DLGAP1: variants seen among roughly 807,000 people sequenced by gnomAD.
DLGAP1 encodes the protein disks large-associated protein 1.
In DLGAP1, 11 loss-of-function variants were observed where a neutral mutation model predicts 90.8. The ratio of observed to expected loss-of-function variants is 0.12; its 90% CI spans 0.08 to 0.20. The LOEUF (loss-of-function observed/expected upper bound fraction) is 0.20. Ranked by LOEUF, DLGAP1 falls within the 10% of genes least tolerant of loss-of-function variation. The pLI is 1.00. For synonymous variants in DLGAP1, 558 were observed against 540.7 expected (o/e 1.03, Z -0.44); for missense variants, 1,050 against 1,333.8 (o/e 0.79, Z 3.31).
chr18:4,241,146 G>A (rs2078525688), intron 1 of DLGAP1, among the ~76,000 whole-genome samples: 1 of 152,078 alleles, frequency 6.6e-6, no homozygotes, highest in Non-Finnish European at 1.5e-5. Context: ...CACAAAACTT[G>A]CCTGTGACTG....
At chr18:3,622,413 T>C (rs2058130378) in intron 7 of DLGAP1, among the ~76,000 whole-genome samples, 1 of 152,186 alleles carries the variant, frequency 6.6e-6, no homozygotes, top group Non-Finnish European at 1.5e-5. Context: ...CCTAAGCTGA[T>C]TATTTCATGA....
At chr18:3,584,125 T>C (rs767814841) in intron 7 of DLGAP1, among the ~76,000 whole-genome samples, 55 of 152,348 alleles carry the variant, frequency 3.6e-4, no homozygotes, top group Non-Finnish European at 4.7e-4. Flanking sequence ...TTCTCATTTG[T>C]AAAGCATGAT....
intron 1 of DLGAP1, among the ~76,000 whole-genome samples, chr18:4,196,453 T>C (rs2077499574): frequency 6.6e-6 from 1 of 152,234 alleles, no homozygotes; most frequent in African/African-American, 2.4e-5. Flanking sequence ...GTATTATTCA[T>C]TTATAAAAAC....
chr18:3,924,190 C>A (rs1286806140), intron 3 of DLGAP1, among the ~76,000 whole-genome samples: 1 of 152,184 alleles, frequency 6.6e-6, no homozygotes, highest in Admixed American at 6.5e-5. Context: ...TTAGCTACAT[C>A]GCCATAGAAT....
At chr18:4,310,256 T>C (rs566146967) in intron 1 of DLGAP1, among the ~76,000 whole-genome samples, 18 of 152,310 alleles carry the variant, frequency 1.2e-4, no homozygotes, top group Admixed American at 9.8e-4. Context: ...TTAATTGCAT[T>C]AGATTACACA....
At chr18:3,817,996 G>A (rs2067189647) in intron 4 of DLGAP1, among the ~76,000 whole-genome samples, 1 of 152,170 alleles carries the variant, frequency 6.6e-6, no homozygotes, top group Non-Finnish European at 1.5e-5. Context: ...TCAGGCTGGT[G>A]GGATGCCCTG....
At chr18:4,433,947 A>C (rs2083344341) in intron 1 of DLGAP1, among the ~76,000 whole-genome samples, 2 of 152,076 alleles carry the variant, frequency 1.3e-5, no homozygotes, top group Non-Finnish European at 2.9e-5. Context: ...TGTGATTCAC[A>C]TCTGGTCACA....
At chr18:4,072,628 C>T (rs1055120324) in intron 2 of DLGAP1, among the ~76,000 whole-genome samples, 3 of 152,080 alleles carry the variant, frequency 2.0e-5, no homozygotes, top group African/African-American at 7.2e-5. Flanking sequence ...TGCCACTGCA[C>T]GCAGCTAATT....
intron 1 of DLGAP1, among the ~76,000 whole-genome samples, chr18:4,259,248 T>G (rs571146154): frequency 6.6e-6 from 1 of 152,122 alleles, no homozygotes. Flanking sequence ...AGAAAGGGAA[T>G]CTGAGAAAGC....
At chr18:3,953,294 T>A (rs893086444) in intron 3 of DLGAP1, among the ~76,000 whole-genome samples, 2 of 152,288 alleles carry the variant, frequency 1.3e-5, no homozygotes, top group African/African-American at 4.8e-5. Flanking sequence ...ATAGTGACCA[T>A]TGCATGCAAT....
At chr18:4,303,820 A>AG (rs1156676441) in intron 1 of DLGAP1, among the ~76,000 whole-genome samples, 1 of 152,220 alleles carries the variant, frequency 6.6e-6, no homozygotes. Context: ...TATTAGAAGA[A>AG]GGAGAAATGC....
intron 1 of DLGAP1, among the ~76,000 whole-genome samples, chr18:4,363,102 G>T (rs932584949): frequency 1.4e-4 from 21 of 152,136 alleles, no homozygotes; most frequent in Non-Finnish European, 1.9e-4. Context: ...TTTACAGGGA[G>T]ATCCAGTAAA....
chr18:4,230,855 T>C (rs1490679086), intron 1 of DLGAP1, among the ~76,000 whole-genome samples: 1 of 151,724 alleles, frequency 6.6e-6, no homozygotes, highest in Admixed American at 6.6e-5. Flanking sequence ...ACTCATTGCA[T>C]GCCTCTATCA....
chr18:3,542,639 C>T (rs997809782), intron 9 of DLGAP1, among the ~76,000 whole-genome samples: 1 of 152,162 alleles, frequency 6.6e-6, no homozygotes, highest in East Asian at 1.9e-4. Context: ...TCTTTGCATA[C>T]CCCCAAGAAT....
At chr18:4,226,098 C>A (rs568814366) in intron 1 of DLGAP1, among the ~76,000 whole-genome samples, 27 of 152,266 alleles carry the variant, frequency 1.8e-4, no homozygotes, top group African/African-American at 5.5e-4. Flanking sequence ...TGGCAGCAGA[C>A]TTTTCAGTGG....
chr18:3,589,019 T>C (rs2056079431), intron 7 of DLGAP1, among the ~76,000 whole-genome samples: 1 of 151,502 alleles, frequency 6.6e-6, no homozygotes, highest in African/African-American at 2.4e-5. Flanking sequence ...CCGTCTCTAC[T>C]AAAAATATAT....
At chr18:4,447,226 C>T (rs2083689555) in intron 1 of DLGAP1, among the ~76,000 whole-genome samples, 1 of 151,760 alleles carries the variant, frequency 6.6e-6, no homozygotes, top group African/African-American at 2.4e-5. Context: ...TCACATCAGC[C>T]TTATTTGGAA....
intron 4 of DLGAP1, among the ~76,000 whole-genome samples, chr18:3,823,469 G>T (rs1364734248): frequency 2.0e-5 from 3 of 152,108 alleles, no homozygotes; most frequent in Non-Finnish European, 4.4e-5. Flanking sequence ...AGACTTAGTG[G>T]TATTAAATAA....
chr18:3,743,639 C>A (rs192320254), intron 5 of DLGAP1, among the ~76,000 whole-genome samples: 1 of 150,074 alleles, frequency 6.7e-6, no homozygotes. Flanking sequence ...CAGGCGTGAG[C>A]CACCGCGCCC....
Sources: gnomAD v4.1 joint callset for allele counts (sites outside exome capture counted in the v4.1 genomes callset) on GRCh38, gnomAD v4.1.1 for gene constraint, MANE v1.5 for transcripts, NCBI Gene and HGNC (gene_info 2026-07-23, HGNC 2026-07-21) for gene names.